PDE6H: variants seen among roughly 807,000 people sequenced by gnomAD.
PDE6H encodes the protein phosphodiesterase 6H.
A neutral mutation model predicts 9.2 loss-of-function variants in PDE6H; 11 were observed. The observed-to-expected ratio is 1.19, with a 90% CI of 0.75 to 1.97. The LOEUF (loss-of-function observed/expected upper bound fraction) is 1.97. Among genes scored for constraint, PDE6H ranks in the 30% most tolerant of loss-of-function variants. The pLI is 0.00. For synonymous variants in PDE6H, 36 were observed against 33.6 expected (o/e 1.07, Z -0.25); for missense variants, 98 against 101.5 (o/e 0.97, Z 0.15).
intron 3 of PDE6H, 125 bp from the exon 4 acceptor site, chr12:14,981,275 C>A (rs557789360): frequency 3.9e-6 from 3 of 776,950 alleles, no homozygotes; most frequent in African/African-American, 3.4e-5. Context: ...CGCTAGGGAA[C>A]TTCCCAGTCA....
At chr12:14,974,393 G>A (rs1182474705) in intron 1 of PDE6H, among the ~76,000 whole-genome samples, 1 of 152,126 alleles carries the variant, frequency 6.6e-6, no homozygotes, top group African/African-American at 2.4e-5. Context: ...AACTGCATAG[G>A]GATTAGTCGA....
chr12:14,977,445 TA>T (rs1393001249), intron 1 of PDE6H, among the ~76,000 whole-genome samples: 2 of 152,192 alleles, frequency 1.3e-5, no homozygotes, highest in African/African-American at 4.8e-5. Flanking sequence ...GCAGATGCTG[TA>T]AAAGACTATA....
At chr12:14,976,483 G>A (rs983687606) in intron 1 of PDE6H, among the ~76,000 whole-genome samples, 1 of 152,172 alleles carries the variant, frequency 6.6e-6, no homozygotes, top group African/African-American at 2.4e-5. Context: ...AGTAAAGAGA[G>A]TCATTGTTAG....
At chr12:14,976,104 G>T (rs938540964) in intron 1 of PDE6H, among the ~76,000 whole-genome samples, 1 of 152,156 alleles carries the variant, frequency 6.6e-6, no homozygotes, top group African/African-American at 2.4e-5. Context: ...ACAGGCGTGA[G>T]CCACCGTGCC....
chr12:14,979,032 A>G, intron 2 of PDE6H, 147 bp from the exon 3 acceptor site: 1 of 682,262 alleles, frequency 1.5e-6, no homozygotes, highest in Non-Finnish European at 2.7e-6. Context: ...TCTTTGCTCC[A>G]GTTCAGGGCA....
rs1483026444 is a variant in PDE6H at position 14,978,019 on chromosome 12, G to A, written c.7G>A (p.Asp3Asn). The change falls in exon 2 of 4, where the codon GAC becomes AAC. Residue 3 changes from aspartate (D) to asparagine (N), a missense_variant. Coordinates refer to ENST00000266395, the MANE Select transcript of PDE6H (RefSeq NM_006205.3). MSDNTTLPAPASN... is the reference protein window; with the variant it reads MSNNTTLPAPASN... ...CCGCCCGGGGGGAGTTAAAATGAGT[G>A]ACAACACTACTCTGCCTGCTCCAGC... is the stretch of plus-strand genomic sequence containing the variant. 1.2e-6 allele frequency: 2 copies of A among 1,613,330 alleles called. No homozygotes were observed. Among genetic ancestry groups the A allele is most frequent in the Admixed American group, 1.7e-5 (1 of 60,006 alleles).
At chr12:14,973,574 GTGTT>G (rs1251116312) in intron 1 of PDE6H, among the ~76,000 whole-genome samples, 1 of 152,208 alleles carries the variant, frequency 6.6e-6, no homozygotes, top group Non-Finnish European at 1.5e-5. Flanking sequence ...TTGAGGTCAA[GTGTT>G]TGTTCCATTC....
chr12:14,980,103 T>C (rs764762141), intron 3 of PDE6H, among the ~76,000 whole-genome samples: 1 of 152,204 alleles, frequency 6.6e-6, no homozygotes, highest in Non-Finnish European at 1.5e-5. Context: ...TCATACAGAA[T>C]AGTTTCGCTG....
At position 14,978,000 on chromosome 12, in the gene PDE6H, G is replaced by C. The variant is rs371365050; in HGVS notation, c.-13G>C. On this transcript the variant is annotated 5_prime_UTR_variant, in exon 2 of 4. Transcript: ENST00000266395. ...GCTGAAAGGGAAACATCAGCCGCCC[G>C]GGGGGAGTTAAAATGAGTGACAACA... 9 of 1,611,136 alleles carry C rather than the reference G, an allele frequency of 5.6e-6. No homozygotes were observed. In the East Asian group the frequency reaches 8.9e-5, roughly 16 times the overall value.
intron 1 of PDE6H, among the ~76,000 whole-genome samples, chr12:14,975,844 G>A (rs1230504189): frequency 2.7e-5 from 4 of 147,790 alleles, no homozygotes; most frequent in African/African-American, 7.6e-5. Context: ...TTTTGGAGAC[G>A]GGGTCTTGCC....
chr12:14,977,967 C>G lies in PDE6H; in HGVS notation c.-41-5C>G, dbSNP rs1444199605. The G allele has an allele frequency of 6.3e-7, 1 of 1,596,916 alleles. No homozygotes were observed. The highest frequency in any genetic ancestry group is 1.1e-5 in the South Asian group (1 of 90,634). ...TCTTCTTTTTTTTATCTTTCACTGT[C>G]TAAGGAGGCTGAAAGGGAAACATCA... On this transcript the variant is annotated splice_region_variant and splice_polypyrimidine_tract_variant and intron_variant, in intron 1 of 3. Coordinates refer to ENST00000266395, the MANE Select transcript of PDE6H (RefSeq NM_006205.3).
intron 1 of PDE6H, 135 bp downstream of exon 1, chr12:14,973,221 A>T (rs1864545655): frequency 6.6e-6 from 1 of 152,234 alleles, no homozygotes; most frequent in African/African-American, 2.4e-5. Flanking sequence ...TGGGGATGAA[A>T]ATGGGAAAGA....
At chr12:14,978,422 C>T (rs1864630414) in intron 2 of PDE6H, among the ~76,000 whole-genome samples, 1 of 152,212 alleles carries the variant, frequency 6.6e-6, no homozygotes, top group African/African-American at 2.4e-5. Context: ...TTGATGACCA[C>T]TCCTCTTTAC....
At chr12:14,981,376 G>A (rs374831152) in intron 3 of PDE6H, 24 bp from the exon 4 acceptor site, 20 of 1,529,184 alleles carry the variant, frequency 1.3e-5, no homozygotes, top group Middle Eastern at 1.7e-4. Flanking sequence ...GTTGGCTTAC[G>A]TGCTCTTCTT....
intron 1 of PDE6H, 61 bp from the exon 2 acceptor site, chr12:14,977,900 AAATAAAGATCT>A: frequency 9.4e-7 from 1 of 1,061,296 alleles, no homozygotes; most frequent in Non-Finnish European, 1.4e-6. Context: ...CTCCAGCCTG[AAATAAAGATCT>A]AATAACCAAT....
intron 1 of PDE6H, among the ~76,000 whole-genome samples, chr12:14,976,770 C>T (rs954996551): frequency 2.0e-5 from 3 of 152,068 alleles, no homozygotes; most frequent in African/African-American, 7.2e-5. Context: ...GAGACAAAGC[C>T]CCCACACACT....
intron 1 of PDE6H, among the ~76,000 whole-genome samples, chr12:14,975,832 T>G (rs1232140005): frequency 2.0e-5 from 3 of 150,674 alleles, no homozygotes; most frequent in South Asian, 4.2e-4. Flanking sequence ...TTTGTTTTTT[T>G]TTTTTGGAGA....
intron 1 of PDE6H, among the ~76,000 whole-genome samples, chr12:14,974,847 C>T (rs928869237): frequency 1.3e-5 from 2 of 152,250 alleles, no homozygotes; most frequent in African/African-American, 2.4e-5. Flanking sequence ...TCCAGGTGAA[C>T]AAGTGTCATA....
chr12:14,974,351 C>A (rs570324684), intron 1 of PDE6H, among the ~76,000 whole-genome samples: 17 of 152,280 alleles, frequency 1.1e-4, no homozygotes, highest in African/African-American at 3.6e-4. Context: ...AAAGGTTTTG[C>A]AGAGAGAATT....
Sources: gnomAD v4.1 joint callset for allele counts (sites outside exome capture counted in the v4.1 genomes callset) on GRCh38, gnomAD v4.1.1 for gene constraint, MANE v1.5 for transcripts, NCBI Gene and HGNC (gene_info 2026-07-23, HGNC 2026-07-21) for gene names.